Variants in CCSER2 observed in about 807,000 individuals in gnomAD.
CCSER2 encodes serine-rich coiled-coil domain-containing protein 2.
A neutral mutation model predicts 92.3 loss-of-function variants in CCSER2; 46 were observed. The ratio of observed to expected loss-of-function variants is 0.50; its 90% CI spans 0.39 to 0.64. The LOEUF (loss-of-function observed/expected upper bound fraction) is 0.64. Among genes scored for constraint, CCSER2 ranks in the 30% least tolerant of loss-of-function variants. CCSER2 has a pLI of 0.00. For synonymous variants in CCSER2, 433 were observed against 431.4 expected, an observed-to-expected ratio of 1.00 and a Z score of -0.04; for missense variants, 1,244 against 1,238.9, an observed-to-expected ratio of 1.00 and a Z score of -0.06.
At chr10:84,414,923 C>T (rs187707548) in intron 3 of CCSER2, among the ~76,000 whole-genome samples, 187 of 152,242 alleles carry the variant, frequency 1.2e-3, no homozygotes, top group Admixed American at 2.5e-3. Flanking sequence ...ATTCTTTCCT[C>T]TACTTAGTCT....
At chr10:84,440,844 C>T (rs1287014853) in intron 6 of CCSER2, among the ~76,000 whole-genome samples, 2 of 152,136 alleles carry the variant, frequency 1.3e-5, no homozygotes, top group Non-Finnish European at 1.5e-5. Context: ...GAGAGTTTTC[C>T]CTTAGAAATT....
chr10:84,373,235 A>G (rs963493107), intron 2 of CCSER2, among the ~76,000 whole-genome samples: 5 of 152,106 alleles, frequency 3.3e-5, no homozygotes, highest in African/African-American at 1.2e-4. Context: ...ATAGGGAGGC[A>G]ATTATGAGTA....
chr10:84,332,408 T>TTA (rs1157111149), intron 1 of CCSER2, among the ~76,000 whole-genome samples: 3 of 114,732 alleles, frequency 2.6e-5, no homozygotes, highest in African/African-American at 1.3e-4. Flanking sequence ...TTAAATTTAT[T>TTA]TTTTTATATA....
rs200528155 is a variant in CCSER2, at chr10:84,371,596, G to C, written c.544G>C (p.Ala182Pro). The C allele has an allele frequency of 1.9e-6, 3 of 1,613,752 alleles. No individual in the cohort carries two copies. Among genetic ancestry groups the C allele is most frequent in the Non-Finnish European group, 2.5e-6 (3 of 1,179,834 alleles). ...GAATGGATTTTATGGAAACCGATCAGCTGGTAGCATGCAAAGGCCTAGAGC... is the reference window on the plus strand; with the variant it reads ...GAATGGATTTTATGGAAACCGATCACCTGGTAGCATGCAAAGGCCTAGAGC... ...QLNGFYGNRSAGSMQRPRANS... is the reference protein window; with the variant it reads ...QLNGFYGNRSPGSMQRPRANS... Residue 182 changes from alanine to proline, a missense_variant, in exon 2 of 10, where the codon GCT becomes CCT. Coordinates refer to ENST00000372088, the MANE Select transcript of CCSER2 (RefSeq NM_001284240.2).
chr10:84,352,145 A>T (rs74664500), intron 1 of CCSER2, among the ~76,000 whole-genome samples: 1 of 149,946 alleles, frequency 6.7e-6, no homozygotes, highest in Non-Finnish European at 1.5e-5. Flanking sequence ...CTAAAAATAT[A>T]AAAAAAAAAT....
intron 3 of CCSER2, among the ~76,000 whole-genome samples, chr10:84,378,759 A>C (rs1032322650): frequency 6.6e-6 from 1 of 152,044 alleles, no homozygotes; most frequent in Non-Finnish European, 1.5e-5. Flanking sequence ...TAGAAAAGAG[A>C]TAGGGTCTGT....
At chr10:84,396,685 G>A (rs1047208812) in intron 3 of CCSER2, among the ~76,000 whole-genome samples, 1 of 151,934 alleles carries the variant, frequency 6.6e-6, no homozygotes, top group Non-Finnish European at 1.5e-5. Flanking sequence ...TTTTGAGACT[G>A]GGTTATGAGA....
chr10:84,473,185 C>T (rs1846921636), intron 8 of CCSER2: 1 of 151,824 alleles, frequency 6.6e-6, no homozygotes, highest in South Asian at 2.1e-4. Context: ...ATATATTAAA[C>T]CTAGTAATCA....
At chr10:84,463,908 G>GT (rs749699881) in intron 6 of CCSER2, 25 bp from the exon 7 acceptor site, 3 of 1,508,190 alleles carry the variant, frequency 2.0e-6, no homozygotes, top group Non-Finnish European at 1.8e-6. Flanking sequence ...TTAATCTAGT[G>GT]TTTTTCTTCC....
At chr10:84,440,276 T>G (rs1326226585) in intron 6 of CCSER2, among the ~76,000 whole-genome samples, 1 of 152,230 alleles carries the variant, frequency 6.6e-6, no homozygotes, top group Non-Finnish European at 1.5e-5. Context: ...GACTTTATTT[T>G]TTGTTTATGT....
chr10:84,484,680 T>C (rs1847701184), intron 9 of CCSER2, among the ~76,000 whole-genome samples: 1 of 152,238 alleles, frequency 6.6e-6, no homozygotes, highest in South Asian at 2.1e-4. Flanking sequence ...AATTATTCAA[T>C]GTTTTACTCA....
intron 3 of CCSER2, among the ~76,000 whole-genome samples, chr10:84,378,780 C>T (rs1846483169): frequency 6.6e-6 from 1 of 152,026 alleles, no homozygotes; most frequent in South Asian, 2.1e-4. Context: ...CTCTTTTTGT[C>T]CAGTCTGGCC....
At chr10:84,446,207 G>A (rs1844905457) in intron 6 of CCSER2, among the ~76,000 whole-genome samples, 1 of 152,010 alleles carries the variant, frequency 6.6e-6, no homozygotes, top group Non-Finnish European at 1.5e-5. Flanking sequence ...CATTTTATTT[G>A]CATTGCAAAA....
At chr10:84,390,167 C>T (rs1387544296) in intron 3 of CCSER2, among the ~76,000 whole-genome samples, 1 of 152,156 alleles carries the variant, frequency 6.6e-6, no homozygotes, top group Non-Finnish European at 1.5e-5. Flanking sequence ...ACTAATACCA[C>T]CAATTCCATC....
At chr10:84,406,684 T>C (rs868172289) in intron 3 of CCSER2, among the ~76,000 whole-genome samples, 1 of 152,214 alleles carries the variant, frequency 6.6e-6, no homozygotes. Flanking sequence ...TTTAATGGTC[T>C]ACTAAGGAAA....
intron 1 of CCSER2, among the ~76,000 whole-genome samples, chr10:84,367,705 T>G (rs1273761414): frequency 6.9e-6 from 1 of 145,052 alleles, no homozygotes; most frequent in Non-Finnish European, 1.5e-5. Context: ...TTCTTTTCCT[T>G]GCTTTTTTTT....
At chr10:84,441,134 A>G (rs1844507460) in intron 6 of CCSER2, among the ~76,000 whole-genome samples, 1 of 151,988 alleles carries the variant, frequency 6.6e-6, no homozygotes. Flanking sequence ...CCTTTATTTT[A>G]TCTGTTATCT....
intron 3 of CCSER2, among the ~76,000 whole-genome samples, chr10:84,402,532 A>G (rs764236164): frequency 3.9e-5 from 6 of 152,214 alleles, no homozygotes; most frequent in Non-Finnish European, 8.8e-5. Flanking sequence ...AGTATAATCT[A>G]TCATGTTAAC....
At chr10:84,384,425 A>G (rs1841077619) in intron 3 of CCSER2, among the ~76,000 whole-genome samples, 1 of 152,218 alleles carries the variant, frequency 6.6e-6, no homozygotes, top group African/African-American at 2.4e-5. Context: ...AAGATAACTC[A>G]TCATGATCAA....
Sources: gnomAD v4.1 joint callset for allele counts (sites outside exome capture counted in the v4.1 genomes callset) on GRCh38, gnomAD v4.1.1 for gene constraint, MANE v1.5 for transcripts, NCBI Gene and HGNC (gene_info 2026-07-23, HGNC 2026-07-21) for gene names.